The following ATAD2 variants were observed in gnomAD, a reference collection of about 807,000 sequenced individuals.
The protein encoded by ATAD2 is ATPase family AAA domain containing 2, also known as ATPase family AAA domain-containing protein 2.
In ATAD2, 62 loss-of-function variants were observed where a neutral mutation model predicts 168.9. The observed-to-expected ratio is 0.37, with a 90% CI of 0.30 to 0.45. ATAD2 has a LOEUF of 0.45. Ranked by LOEUF, ATAD2 falls within the 20% of genes least tolerant of loss-of-function variation. The probability of loss-of-function intolerance (pLI) is 1.00; values close to 1 mark genes in which losing one functional copy is unlikely to be tolerated. For synonymous variants in ATAD2, 613 were observed against 571.6 expected (o/e 1.07, Z -1.03); for missense variants, 1,419 against 1,667.8 (o/e 0.85, Z 2.60).
chr8:123,362,318 A>G (rs1032878532), intron 8 of ATAD2, among the ~76,000 whole-genome samples: 1 of 145,192 alleles, frequency 6.9e-6, no homozygotes, highest in Non-Finnish European at 1.5e-5. Flanking sequence ...AAAAAAAAAA[A>G]GTATTTGGGA....
chr8:123,382,173 A>C (rs1044247938), intron 1 of ATAD2, among the ~76,000 whole-genome samples: 4 of 152,218 alleles, frequency 2.6e-5, no homozygotes, highest in African/African-American at 9.6e-5. Flanking sequence ...TAGGAAAAAA[A>C]CACCAAACAT....
intron 1 of ATAD2, among the ~76,000 whole-genome samples, chr8:123,412,037 T>G (rs1586916149): frequency 6.6e-6 from 1 of 152,170 alleles, no homozygotes; most frequent in Non-Finnish European, 1.5e-5. Flanking sequence ...AACCTGCAGA[T>G]TTTGTCCTTG....
At chr8:123,368,914 T>C (rs2129728701) in intron 8 of ATAD2, 144 bp downstream of exon 8, 1 of 322,364 alleles carries the variant, frequency 3.1e-6, no homozygotes, top group Non-Finnish European at 5.5e-6. Flanking sequence ...GGGATTAGAC[T>C]ACTAAAGGTA....
At chr8:123,391,013 A>G (rs1328772240) in intron 1 of ATAD2, among the ~76,000 whole-genome samples, 1 of 151,980 alleles carries the variant, frequency 6.6e-6, no homozygotes, top group African/African-American at 2.4e-5. Context: ...AAAGCAAAAC[A>G]CAGTCTCAAA....
chr8:123,374,898 A>G (rs1829257707), intron 2 of ATAD2, among the ~76,000 whole-genome samples: 1 of 152,230 alleles, frequency 6.6e-6, no homozygotes, highest in African/African-American at 2.4e-5. Flanking sequence ...GGATCAAGTA[A>G]GTAAGTATGT....
chr8:123,388,889 T>C (rs558781356), intron 1 of ATAD2, among the ~76,000 whole-genome samples: 2 of 152,068 alleles, frequency 1.3e-5, no homozygotes, highest in South Asian at 2.1e-4. Context: ...CTTAGTTCCA[T>C]GATTCAACTT....
intron 26 of ATAD2, among the ~76,000 whole-genome samples, chr8:123,325,459 T>C (rs2131274212): frequency 6.6e-6 from 1 of 152,198 alleles, no homozygotes; most frequent in East Asian, 1.9e-4. Flanking sequence ...ATTTTGTTTT[T>C]GTATTTTTAG....
At chr8:123,327,295 ACT>A (rs1827641235) in intron 25 of ATAD2, among the ~76,000 whole-genome samples, 1 of 152,232 alleles carries the variant, frequency 6.6e-6, no homozygotes, top group Admixed American at 6.5e-5. Flanking sequence ...AAGTACCTGT[ACT>A]GCTAAATAGT....
Position 123,328,321 on chromosome 8 carries a change from C to T in ATAD2, c.3737G>A (p.Cys1246Tyr), listed in dbSNP as rs2131280918. The T allele has an allele frequency of 6.2e-7, 1 of 1,607,210 alleles. No individual in the cohort carries two copies. The highest frequency in any genetic ancestry group is 8.5e-7 in the Non-Finnish European group (1 of 1,177,700). ...KLELRNNSNT[C>Y]NIENELEDSR... ...GTCTTCAAGCTCATTCTCTATATTA[C>T]AAGTATTTGAATTATTTCTCAATTC... The change falls in exon 25 of 28, where the codon TGT (cysteine) becomes TAT (tyrosine). Residue 1246 changes from cysteine to tyrosine, a missense_variant. Around this residue, in one of 5 missense-constraint regions of ATAD2, gnomAD observed 303 missense variants for 304.3 expected, o/e 1.00. Transcript: ENST00000287394.
chr8:123,369,796 T>A (rs374759235), intron 7 of ATAD2, 25 bp downstream of exon 7: 3 of 1,549,054 alleles, frequency 1.9e-6, no homozygotes, highest in Non-Finnish European at 2.7e-6. Context: ...TTACATCTCC[T>A]GGAAAGAGTA....
chr8:123,340,951 T>C (rs1324828963), intron 19 of ATAD2, among the ~76,000 whole-genome samples: 1 of 151,882 alleles, frequency 6.6e-6, no homozygotes. Context: ...TTTTGTCTTT[T>C]TTTTTTTTTG....
intron 3 of ATAD2, 136 bp downstream of exon 3, chr8:123,372,501 T>C: frequency 1.6e-6 from 1 of 639,182 alleles, no homozygotes. Context: ...GATGGCTTCA[T>C]GGCATATACT....
intron 1 of ATAD2, 39 bp downstream of exon 1, chr8:123,396,148 G>T: frequency 6.6e-7 from 1 of 1,519,380 alleles, no homozygotes; most frequent in Non-Finnish European, 8.8e-7. Context: ...CAGTCCCCCC[G>T]GGAACCGCCC....
At chr8:123,398,990 C>T (rs1329162478), upstream of ATAD2, among the ~76,000 whole-genome samples, 7 of 152,116 alleles carry the variant, frequency 4.6e-5, no homozygotes, top group South Asian at 2.1e-4. Flanking sequence ...TGGCTGGGCA[C>T]GGTGGCTCAC....
In ATAD2 at chr8:123,369,155, G is replaced by A; in HGVS notation, c.952C>T (p.Pro318Ser). The A allele has an allele frequency of 1.9e-6, 3 of 1,548,788 alleles. No homozygotes were observed. Among genetic ancestry groups the A allele is most frequent in the Non-Finnish European group, 2.6e-6 (3 of 1,140,594 alleles). Reference protein sequence around the residue: ...PLEKPRHQRKPNIFYSGPASP... With the variant: ...PLEKPRHQRKSNIFYSGPASP... ...GCTGGGCCACTATAAAATATGTTGG[G>A]CTTTCTCTGGTGACGAGGTTCTAAA... The change falls in exon 8 of 28, where the codon CCC becomes TCC. Residue 318 changes from proline (P) to serine (S), a missense_variant. Transcript: ENST00000287394.
upstream of ATAD2, chr8:123,396,591 A>C (rs534250522): frequency 1.8e-6 from 1 of 543,326 alleles, no homozygotes; most frequent in Non-Finnish European, 3.2e-6. Flanking sequence ...GCCAACGTGG[A>C]GAGGAACACA....
At chr8:123,378,727 C>CAAAAAAAAAAAAAA (rs1554646643) in intron 2 of ATAD2, among the ~76,000 whole-genome samples, 15 of 91,028 alleles carry the variant, frequency 1.6e-4, no homozygotes, top group African/African-American at 5.9e-4. Flanking sequence ...AAAAAAAAAT[C>CAAAAAAAAAAAAAA]AAAATTCCAT....
chr8:123,406,110 C>T (rs756635578), intron 1 of ATAD2, among the ~76,000 whole-genome samples: 4 of 152,042 alleles, frequency 2.6e-5, no homozygotes, highest in Non-Finnish European at 5.9e-5. Flanking sequence ...GGCATAGTGG[C>T]TTATGCCTAT....
upstream of ATAD2, among the ~76,000 whole-genome samples, chr8:123,398,927 A>G (rs1459894182): frequency 6.6e-6 from 1 of 152,268 alleles, no homozygotes; most frequent in Non-Finnish European, 1.5e-5. Context: ...TACAGTTTAA[A>G]AAATTTAAAA....
Sources: gnomAD v4.1 joint callset for allele counts (sites outside exome capture counted in the v4.1 genomes callset) on GRCh38, gnomAD v4.1.1 for gene constraint, gnomAD v4.1.1 regional missense constraint, MANE v1.5 for transcripts, NCBI Gene and HGNC (gene_info 2026-07-23, HGNC 2026-07-21) for gene names.